Variants in QRFPR observed in about 807,000 individuals in gnomAD.
QRFPR encodes pyroglutamylated RFamide peptide receptor.
Under a neutral mutation model 31.3 loss-of-function variants are expected in QRFPR, and 37 were observed. The observed-to-expected ratio is 1.18, with a 90% confidence interval of 0.91 to 1.56. The LOEUF (loss-of-function observed/expected upper bound fraction) is 1.56. QRFPR is among the 40% of genes most tolerant of loss of function. The pLI, the probability that QRFPR is intolerant of heterozygous loss-of-function variation, is 0.00. For missense variants in QRFPR, 542 were observed against 532.5 expected, an observed-to-expected ratio of 1.02 and a Z score of -0.18; for synonymous variants, 197 against 192.0, an observed-to-expected ratio of 1.03 and a Z score of -0.22.
chr4:121,340,822 A>G (rs1725529795), intron 1 of QRFPR, among the ~76,000 whole-genome samples: 1 of 152,240 alleles, frequency 6.6e-6, no homozygotes, highest in South Asian at 2.1e-4. Flanking sequence ...AATGCTATGC[A>G]ATTATGTATA....
intron 1 of QRFPR, among the ~76,000 whole-genome samples, chr4:121,378,505 C>T (rs777853757): frequency 1.3e-4 from 20 of 151,098 alleles, no homozygotes; most frequent in African/African-American, 3.7e-4. Flanking sequence ...CTCTGCCTCC[C>T]GGGGTCAAGC....
chr4:121,333,115 C>T, intron 3 of QRFPR, 59 bp from the exon 4 acceptor site: 1 of 1,161,522 alleles, frequency 8.6e-7, no homozygotes, highest in South Asian at 1.4e-5. Context: ...AAACAGAAAT[C>T]AGCCAAGTAT....
chr4:121,371,247 G>T (rs1294566612), intron 1 of QRFPR, among the ~76,000 whole-genome samples: 2 of 152,182 alleles, frequency 1.3e-5, no homozygotes, highest in Admixed American at 1.3e-4. Flanking sequence ...GACTAATTTA[G>T]TTTTGCAAAG....
At chr4:121,349,899 A>G (rs1386817477) in intron 1 of QRFPR, among the ~76,000 whole-genome samples, 1 of 152,250 alleles carries the variant, frequency 6.6e-6, no homozygotes, top group Admixed American at 6.5e-5. Flanking sequence ...CAATCAGCAT[A>G]CAGCAATTTA....
chr4:121,340,996 A>G (rs1725533885), intron 1 of QRFPR, among the ~76,000 whole-genome samples: 1 of 152,182 alleles, frequency 6.6e-6, no homozygotes, highest in South Asian at 2.1e-4. Flanking sequence ...TTCCTGGCAA[A>G]TCACAACAAA....
chr4:121,343,602 T>C (rs536839948), intron 1 of QRFPR, among the ~76,000 whole-genome samples: 1 of 152,258 alleles, frequency 6.6e-6, no homozygotes, highest in Non-Finnish European at 1.5e-5. Flanking sequence ...TTGGATGTGG[T>C]ACTTGAATAA....
intron 1 of QRFPR, among the ~76,000 whole-genome samples, chr4:121,341,637 A>G (rs1725544899): frequency 6.6e-6 from 1 of 152,206 alleles, no homozygotes; most frequent in Admixed American, 6.5e-5. Flanking sequence ...CATTTAATAT[A>G]TTGTATATAA....
chr4:121,365,702 T>A (rs1726124868), intron 1 of QRFPR, among the ~76,000 whole-genome samples: 1 of 107,624 alleles, frequency 9.3e-6, no homozygotes, highest in Non-Finnish European at 1.8e-5. Context: ...TAGTGTCATC[T>A]CTTTCCCAGA....
chr4:121,331,486 A>T (rs1047963026), intron 4 of QRFPR, among the ~76,000 whole-genome samples: 4 of 151,446 alleles, frequency 2.6e-5, no homozygotes, highest in African/African-American at 9.7e-5. Flanking sequence ...ACCCGGCCTG[A>T]TATATCTTAA....
At chr4:121,336,925 C>A in intron 2 of QRFPR, 57 bp from the exon 3 acceptor site, 1 of 1,423,344 alleles carries the variant, frequency 7.0e-7, no homozygotes, top group Non-Finnish European at 9.9e-7. Flanking sequence ...CACATCCATG[C>A]ATAATTATCT....
intron 1 of QRFPR, among the ~76,000 whole-genome samples, chr4:121,379,435 A>C (rs1466452547): frequency 6.6e-6 from 1 of 152,212 alleles, no homozygotes; most frequent in African/African-American, 2.4e-5. Context: ...ACCGTGAAAA[A>C]GGGGAGGCCC....
Position 121,380,980 on chromosome 4 carries a change from G to A in QRFPR, c.-333C>T, listed in dbSNP as rs1713902. 1 of 246,724 alleles carries A rather than the reference G, an allele frequency of 4.1e-6. No homozygotes were observed. Among genetic ancestry groups the A allele is most frequent in the South Asian group, 1.5e-4 (1 of 6,642 alleles). 15.3% of individuals were successfully genotyped at this position (246,724 alleles called of 1,614,324 possible). A position where few individuals can be genotyped will look rare whatever the true frequency, so the allele number is the denominator to read the frequency against. ...GGTCTGGGGTGCTGGAGCGCCACGC[G>A]AGGGTCCTGGCGCCTCTGGCTCCCC... On this transcript the variant is annotated 5_prime_UTR_variant, in exon 1 of 6. Transcript: ENST00000394427.
chr4:121,333,121 A>G, intron 3 of QRFPR, 65 bp from the exon 4 acceptor site: 1 of 1,048,960 alleles, frequency 9.5e-7, no homozygotes, highest in Middle Eastern at 2.2e-4. Flanking sequence ...AAATCAGCCA[A>G]GTATTATTGC....
chr4:121,369,542 G>T, intron 1 of QRFPR: 1 of 1,600,532 alleles, frequency 6.2e-7, no homozygotes, highest in East Asian at 2.2e-5. Context: ...TGGCTTCAAG[G>T]CTGCTGGATC....
In QRFPR at chr4:121,338,434, T is replaced by A. The variant is rs72917711; in HGVS notation, c.500-1566A>T. On this transcript the variant is annotated intron_variant, in intron 2 of 5. Coordinates refer to ENST00000394427, the MANE Select transcript of QRFPR (RefSeq NM_198179.3). ...CTAGGCCAAGCTTGTCCAATCTGCA[T>A]GTGGCCTAGGAAGGCTTCGGATGTG... Among the ~76,000 whole-genome samples, 873 of 152,338 alleles carry A rather than the reference T, an allele frequency of 5.7e-3. 12 individuals carry two copies. Among genetic ancestry groups the A allele is most frequent in the African/African-American group, 0.02 (840 of 41,572 alleles).
In QRFPR at chr4:121,340,630, C is replaced by T. The variant is rs2276955; in HGVS notation, c.341-20G>A. On this transcript the variant is annotated intron_variant, in intron 1 of 5. Transcript: ENST00000394427. The stretch of plus-strand genomic sequence containing the variant: ...AAGCACCTGCAGTAAGGAAATAGGA[C>T]AAATCATACATCAAAACAAAAAGAA... The T allele has an allele frequency of 0.36, 583,845 of 1,602,124 alleles. 109,463 individuals are homozygous for T. The highest frequency in any genetic ancestry group is 0.52 in the Middle Eastern group (3,118 of 6,032).
intron 1 of QRFPR, among the ~76,000 whole-genome samples, chr4:121,360,464 G>A (rs1725967622): frequency 6.6e-6 from 1 of 152,114 alleles, no homozygotes; most frequent in Non-Finnish European, 1.5e-5. Flanking sequence ...TGATACTGCT[G>A]AGTTCTGATG....
At chr4:121,332,224 G>A (rs1725340643) in intron 4 of QRFPR, among the ~76,000 whole-genome samples, 1 of 151,702 alleles carries the variant, frequency 6.6e-6, no homozygotes, top group African/African-American at 2.4e-5. Flanking sequence ...TAAATGATAT[G>A]GACTACAAGT....
At chr4:121,348,700 C>T (rs930631626) in intron 1 of QRFPR, among the ~76,000 whole-genome samples, 11 of 152,272 alleles carry the variant, frequency 7.2e-5, no homozygotes, top group African/African-American at 2.6e-4. Context: ...AATTCAACAT[C>T]ATCTGCCTTT....
Sources: allele counts gnomAD v4.1 joint callset (sites outside exome capture counted in the v4.1 genomes callset), GRCh38; gene constraint gnomAD v4.1.1; transcripts MANE v1.5; gene names NCBI Gene and HGNC (gene_info 2026-07-23, HGNC 2026-07-21).